The following MGAM variants were observed in gnomAD, a reference collection of about 807,000 sequenced individuals.
The protein encoded by MGAM is alpha-1,4-glucosidase.
A neutral mutation model predicts 358.8 loss-of-function variants in MGAM; 253 were observed. The ratio of observed to expected loss-of-function variants is 0.71; its 90% CI spans 0.64 to 0.78. MGAM has a LOEUF of 0.78. Among genes scored for constraint, MGAM ranks in the 30% least tolerant of loss-of-function variants. MGAM has a pLI of 0.00. For missense variants in MGAM, 3,080 were observed against 3,432.6 expected (o/e 0.90, Z 2.57); for synonymous variants, 1,105 against 1,227.1 (o/e 0.90, Z 2.08).
chr7:142,098,102 A>G (rs1816108221), intron 66 of MGAM, among the ~76,000 whole-genome samples: 1 of 152,186 alleles, frequency 6.6e-6, no homozygotes, highest in African/African-American at 2.4e-5. Context: ...AAAGAAGGGC[A>G]CTGCACATAA....
At chr7:142,081,963 G>C in intron 50 of MGAM, 79 bp from the exon 51 acceptor site, 1 of 1,375,056 alleles carries the variant, frequency 7.3e-7, no homozygotes, top group South Asian at 1.2e-5. Context: ...CAAGTGTTCT[G>C]TTGTCCTTGA....
chr7:142,096,806 T>G (rs879501369), intron 65 of MGAM, among the ~76,000 whole-genome samples: 1 of 152,222 alleles, frequency 6.6e-6, no homozygotes, highest in Non-Finnish European at 1.5e-5. Flanking sequence ...GTACTTGTAT[T>G]GCTGCTGGCT....
chr7:142,077,868 C>T (rs1813870317), intron 47 of MGAM, among the ~76,000 whole-genome samples: 1 of 145,368 alleles, frequency 6.9e-6, no homozygotes. Context: ...ATTCTTATTG[C>T]TGTGTTCTTT....
chr7:142,095,101 G>A (rs2129061441), intron 63 of MGAM, among the ~76,000 whole-genome samples: 1 of 152,188 alleles, frequency 6.6e-6, no homozygotes, highest in Non-Finnish European at 1.5e-5. Context: ...TGAATAGCTG[G>A]GACTACAGGC....
Position 142,065,815 on chromosome 7 carries a change from A to G in MGAM, c.4754A>G (p.Asn1585Ser), listed in dbSNP as rs757846087. 1 of 1,555,650 alleles carries G rather than the reference A, an allele frequency of 6.4e-7. No homozygotes were observed. The highest frequency in any genetic ancestry group is 1.1e-5 in the South Asian group (1 of 89,138). The change falls in exon 40 of 71, where the codon AAT becomes AGT. Residue 1585 changes from asparagine (N) to serine (S), a missense_variant. Physicochemically the swap from Asn to Ser is conservative, Grantham distance 46. Around this residue, in one of 5 missense-constraint regions of MGAM, gnomAD observed 134 missense variants for 198.4 expected, o/e 0.68. Coordinates refer to ENST00000475668, the MANE Select transcript of MGAM (RefSeq NM_001365693.1). The part of the protein sequence containing the change: ...GAFYPFSRNH[N>S]TIGTRRQDPV... Reference sequence around the variant, plus strand: ...TTTTACCCCTTCTCAAGAAACCACAATACCATTGGGACCAGGGTAGGACAG... The same window carrying G: ...TTTTACCCCTTCTCAAGAAACCACAGTACCATTGGGACCAGGGTAGGACAG...
In MGAM at chr7:142,095,645, A is replaced by G. The variant is rs963006565; in HGVS notation, c.7539A>G (p.Pro2513=). ...TVLQTRYTLL[P]YLYTLMHKAH... ...TGCAGACCAGATACACCCTGTTGCCATATCTGTATACCTTGATGCATAAGG... is the reference window on the plus strand; with the variant it reads ...TGCAGACCAGATACACCCTGTTGCCGTATCTGTATACCTTGATGCATAAGG... Residue 2513 remains proline (P), a synonymous_variant, in exon 64 of 71, where the codon CCA becomes CCG. Coordinates refer to ENST00000475668, the MANE Select transcript of MGAM (RefSeq NM_001365693.1). 6.2e-7 allele frequency: 1 copy of G among 1,613,804 alleles called. No individual in the cohort carries two copies. Among genetic ancestry groups the G allele is most frequent in the East Asian group, 2.2e-5 (1 of 44,890 alleles).
At chr7:142,104,223 C>A (rs1816666363) in intron 70 of MGAM, among the ~76,000 whole-genome samples, 1 of 152,012 alleles carries the variant, frequency 6.6e-6, no homozygotes. Flanking sequence ...CTATATATTT[C>A]AATATTGTAA....
At chr7:142,034,541 A>C in intron 15 of MGAM, 129 bp from the exon 16 acceptor site, 1 of 1,012,178 alleles carries the variant, frequency 9.9e-7, no homozygotes, top group Non-Finnish European at 1.4e-6. Context: ...AGGGACTCTA[A>C]TTGTACCGAA....
Position 142,052,430 on chromosome 7 carries a change from G to T in MGAM, c.2942G>T (p.Arg981Leu), listed in dbSNP as rs199504784. ...GCTTCTGCCGAAAACTGCACTGCCCGTGGCTGTATCTGGGAGGTAACCATG... is the reference window on the plus strand; with the variant it reads ...GCTTCTGCCGAAAACTGCACTGCCCTTGGCTGTATCTGGGAGGTAACCATG... ...NGASAENCTA[R>L]GCIWEASNSS... Residue 981 changes from arginine (R) to leucine (L), a missense_variant, in exon 25 of 71, where the codon CGT (arginine) becomes CTT (leucine). This residue lies in a region of MGAM where 1,816 missense variants were observed against 1,840.5 expected (regional missense o/e 0.99). Transcript: ENST00000475668. 3 of 1,613,274 alleles carry T rather than the reference G, an allele frequency of 1.9e-6. No individual in the cohort carries two copies. In the African/African-American group the frequency reaches 4.0e-5, roughly 22 times the overall value.
At chr7:142,074,381 T>A (rs1813573042) in intron 45 of MGAM, among the ~76,000 whole-genome samples, 1 of 144,636 alleles carries the variant, frequency 6.9e-6, no homozygotes, top group Admixed American at 6.9e-5. Context: ...TCTCTGACAG[T>A]TCTCCCATTC....
At chr7:141,993,833 C>T (rs1172654896), upstream of MGAM, among the ~76,000 whole-genome samples, 1 of 152,114 alleles carries the variant, frequency 6.6e-6, no homozygotes. Flanking sequence ...AAATTGCAAT[C>T]GCTATTAGAC....
upstream of MGAM, among the ~76,000 whole-genome samples, chr7:141,991,344 G>T (rs1554447282): frequency 1.3e-5 from 2 of 152,140 alleles, no homozygotes; most frequent in Non-Finnish European, 2.9e-5. Context: ...TCTGTGGCCG[G>T]AAGTGAGGAG....
intron 19 of MGAM, among the ~76,000 whole-genome samples, 195 bp downstream of exon 19, chr7:142,038,810 T>A (rs1459879173): frequency 6.6e-6 from 1 of 152,190 alleles, no homozygotes; most frequent in Admixed American, 6.5e-5. Flanking sequence ...CTTTTTTCTC[T>A]TGATCAAGTT....
chr7:142,034,939 A>G, intron 16 of MGAM, 98 bp downstream of exon 16: 2 of 1,158,782 alleles, frequency 1.7e-6, no homozygotes, highest in South Asian at 1.5e-5. Context: ...CCTGCCTGCC[A>G]TGGCTGGGGA....
In MGAM at chr7:142,067,953, TATATATATATAAATATATATATATATA is replaced by T. The variant is rs1812935303; in HGVS notation, c.5004+529_5004+555del. On this transcript the variant is annotated intron_variant, in intron 42 of 70. Transcript: ENST00000475668. ...TCCCTCAAATATATATATATATATA[TATATATATATAAATATATATATATATA>T]TATATATTTTTTTTTTTTTTTTTTT... Among the ~76,000 whole-genome samples, 2 of 37,302 alleles carry T rather than the reference TATATATATATAAATATATATATATATA, an allele frequency of 5.4e-5. 1 individual carries two copies. Among genetic ancestry groups the T allele is most frequent in the Non-Finnish European group, 1.2e-4 (2 of 16,538 alleles). 24.5% of individuals were successfully genotyped at this position (37,302 alleles called of 152,430 possible).
chr7:142,044,611 GATATATAATGTATATTAT>G (rs1376081324), intron 21 of MGAM, among the ~76,000 whole-genome samples: 1 of 119,856 alleles, frequency 8.3e-6, no homozygotes, highest in Non-Finnish European at 1.7e-5. Flanking sequence ...TGTAATATAT[GATATATAATGTATATTAT>G]ATACACGTGT....
At chr7:142,054,269 T>C (rs913985190) in intron 26 of MGAM, among the ~76,000 whole-genome samples, 5 of 152,212 alleles carry the variant, frequency 3.3e-5, no homozygotes, top group African/African-American at 7.2e-5. Flanking sequence ...CACTGCCTTA[T>C]TGAGCTCACG....
rs1390043420 is a variant in MGAM, at chr7:142,045,839, A to C, written c.2499-1946A>C. ...AATATATGATATATATTATATATAC[A>C]TACAATATGTAATATATATATTATA... On this transcript the variant is annotated intron_variant, in intron 21 of 70. Transcript: ENST00000475668. Among the ~76,000 whole-genome samples the C allele has an allele frequency of 4.9e-5, 6 of 121,286 alleles. 2 individuals are homozygous for C. In the East Asian group the frequency reaches 1.4e-3, roughly 28 times the overall value. 79.6% of individuals were successfully genotyped at this position (121,286 alleles called of 152,430 possible). A position where few individuals can be genotyped will look rare whatever the true frequency, so the allele number is the denominator to read the frequency against.
rs1807401825 is a variant in MGAM, at chr7:142,030,681, A to G, written c.1394A>G (p.Tyr465Cys). ...ISNNSSSSKP[Y>C]GPYDRGSDMK... ...AACAACTCTTCCTCAAGTAAACCCT[A>G]TGGCCCATATGACAGGGGTTCAGAT... The change falls in exon 12 of 71, where the codon TAT becomes TGT. Residue 465 changes from tyrosine to cysteine, a missense_variant. This residue lies in a region of MGAM where 1,816 missense variants were observed against 1,840.5 expected (regional missense o/e 0.99). Coordinates refer to ENST00000475668, the MANE Select transcript of MGAM (RefSeq NM_001365693.1). 2.5e-6 allele frequency: 4 copies of G among 1,613,216 alleles called. No homozygotes were observed. The highest frequency in any genetic ancestry group is 3.3e-4 in the Middle Eastern group (2 of 6,060).
Sources: gnomAD v4.1 joint callset for allele counts (sites outside exome capture counted in the v4.1 genomes callset) on GRCh38, gnomAD v4.1.1 for gene constraint, gnomAD v4.1.1 regional missense constraint, MANE v1.5 for transcripts, NCBI Gene and HGNC (gene_info 2026-07-23, HGNC 2026-07-21) for gene names.